Variants in TSC1 observed in about 807,000 individuals in gnomAD.
TSC1 encodes hamartin.
A neutral mutation model predicts 124.3 loss-of-function variants in TSC1; 20 were observed. The observed-to-expected ratio is 0.16, with a 90% CI of 0.11 to 0.23. The LOEUF (loss-of-function observed/expected upper bound fraction) is 0.23, where lower values mean the gene tolerates loss of function less well. Among genes scored for constraint, TSC1 ranks in the 10% least tolerant of loss-of-function variants. The probability of loss-of-function intolerance (pLI) is 1.00; values close to 1 mark genes in which losing one functional copy is unlikely to be tolerated. For missense variants in TSC1, 1,124 were observed against 1,448.5 expected, an observed-to-expected ratio of 0.78 and a Z score of 3.64; for synonymous variants, 493 against 539.1, an observed-to-expected ratio of 0.91 and a Z score of 1.19.
Position 132,891,774 on chromosome 9 carries a change from C to G in TSC1, c.*4461G>C, listed in dbSNP as rs1330767791. On this transcript the variant is annotated 3_prime_UTR_variant, in exon 23 of 23. Coordinates refer to ENST00000298552, the MANE Select transcript of TSC1 (RefSeq NM_000368.5). ...TCTGAAAAGTGATTACTGATTCTTCCTAGTGCAAAATGCGTGGCTGCCTCT... is the reference window on the plus strand; with the variant it reads ...TCTGAAAAGTGATTACTGATTCTTCGTAGTGCAAAATGCGTGGCTGCCTCT... 1.3e-5 allele frequency: 3 copies of G among 233,564 alleles called. No individual in the cohort carries two copies. Among genetic ancestry groups the G allele is most frequent in the Non-Finnish European group, 2.5e-5 (3 of 118,034 alleles). The allele number at this position is 233,564 out of a possible 1,614,324, so 14.5% of individuals were successfully genotyped here. A position where few individuals can be genotyped will look rare whatever the true frequency, so the allele number is the denominator to read the frequency against.
Position 132,894,225 on chromosome 9 carries a change from GT to G in TSC1, c.*2009del, listed in dbSNP as rs1428475128. ...TTTATAAGCTGTCCGTTTCTAAAAT[GT>G]TTTTTCTTTTGCACTTGGGCCTCTT... On this transcript the variant is annotated 3_prime_UTR_variant, in exon 23 of 23. Transcript: ENST00000298552. 3.9e-5 allele frequency: 9 copies of G among 232,664 alleles called. 1 individual carries two copies. The highest frequency in any genetic ancestry group is 2.0e-4 in the African/African-American group (9 of 45,388). The allele number at this position is 232,664 out of a possible 1,614,324, so 14.4% of individuals were successfully genotyped here.
chr9:132,906,147 G>A lies in TSC1; in HGVS notation c.1439-8C>T. 6.2e-7 allele frequency: 1 copy of A among 1,611,414 alleles called. No individual in the cohort carries two copies. Among genetic ancestry groups the A allele is most frequent in the Non-Finnish European group, 8.5e-7 (1 of 1,179,516 alleles). ...GTTCTCTAGATATTGCAGCTGAGAG[G>A]AAGAGAGGAAACAAAAGAAATGGCA... On this transcript the variant is annotated splice_polypyrimidine_tract_variant and splice_region_variant and intron_variant, in intron 14 of 22. Transcript: ENST00000298552. The surrounding 1 kb of genome is among the most constrained non-coding windows in gnomAD (Gnocchi z 4.1).
chr9:132,908,443 A>G (rs151054779), intron 12 of TSC1, among the ~76,000 whole-genome samples: 55 of 152,276 alleles, frequency 3.6e-4, no homozygotes, highest in African/African-American at 1.3e-3. Context: ...TTGCAAAAGT[A>G]AACATATGTG....
At position 132,892,777 on chromosome 9, in the gene TSC1, T is replaced by A. The variant is rs1436781522; in HGVS notation, c.*3458A>T. On this transcript the variant is annotated 3_prime_UTR_variant, in exon 23 of 23. Coordinates refer to ENST00000298552, the MANE Select transcript of TSC1 (RefSeq NM_000368.5). ...CACAGCACACTTCAGTTCTGCTGGCTACATGAAACGCATACCCAGTTTTCT... is the reference window on the plus strand; with the variant it reads ...CACAGCACACTTCAGTTCTGCTGGCAACATGAAACGCATACCCAGTTTTCT... The A allele has an allele frequency of 4.3e-6, 1 of 233,232 alleles. No homozygotes were observed. Among genetic ancestry groups the A allele is most frequent in the Non-Finnish European group, 8.5e-6 (1 of 118,078 alleles). 14.4% of individuals were successfully genotyped at this position (233,232 alleles called of 1,614,324 possible). A position where few individuals can be genotyped will look rare whatever the true frequency, so the allele number is the denominator to read the frequency against.
intron 12 of TSC1, 192 bp downstream of exon 12, chr9:132,910,379 G>A: frequency 9.9e-7 from 1 of 1,012,660 alleles, no homozygotes; most frequent in Non-Finnish European, 1.5e-6. Flanking sequence ...CCAAAGCAGA[G>A]TTTTGGAACC....
chr9:132,921,546 A>G lies in TSC1; in HGVS notation c.664-110T>C. 7.8e-7 allele frequency: 1 copy of G among 1,279,654 alleles called. No homozygotes were observed. Among genetic ancestry groups the G allele is most frequent in the Non-Finnish European group, 1.1e-6 (1 of 888,400 alleles). The allele number at this position is 1,279,654 out of a possible 1,614,324, so 79.3% of individuals were successfully genotyped here. A position where few individuals can be genotyped will look rare whatever the true frequency, so the allele number is the denominator to read the frequency against. On this transcript the variant is annotated intron_variant, in intron 7 of 22. Coordinates refer to ENST00000298552, the MANE Select transcript of TSC1 (RefSeq NM_000368.5). This position sits in a 1 kb window ranked among gnomAD's most constrained non-coding sequence, Gnocchi z 4.3. ...GAATGAAGTACTGATACATGTTATA[A>G]CACAGATGGAACCTTGAGAACATTA... is the stretch of plus-strand genomic sequence containing the variant.
intron 19 of TSC1, among the ~76,000 whole-genome samples, 186 bp downstream of exon 19, chr9:132,901,402 CA>C (rs2131698596): frequency 6.6e-6 from 1 of 152,282 alleles, no homozygotes; most frequent in South Asian, 2.1e-4. Flanking sequence ...CCAGCAGCAC[CA>C]AAAACATGAA....
intron 2 of TSC1, among the ~76,000 whole-genome samples, chr9:132,933,870 C>T (rs2132372094): frequency 6.6e-6 from 1 of 152,288 alleles, no homozygotes; most frequent in Middle Eastern, 3.4e-3. Context: ...GATCTGAACA[C>T]TTAACCATTT....
At chr9:132,928,008 A>G (rs1846982344) in intron 3 of TSC1, among the ~76,000 whole-genome samples, 1 of 152,098 alleles carries the variant, frequency 6.6e-6, no homozygotes, top group African/African-American at 2.4e-5. Flanking sequence ...TTGTATAACC[A>G]CACGCACACA....
rs796053453 is a variant in TSC1 at position 132,925,646 on chromosome 9, A to G, written c.304T>C (p.Ser102Pro). The change falls in exon 5 of 23, where the codon TCT becomes CCT. Residue 102 changes from serine (S) to proline (P), a missense_variant. Physicochemically the swap from Ser to Pro is moderately conservative, Grantham distance 74. This residue lies in a region of TSC1 where 463 missense variants were observed against 606.8 expected (regional missense o/e 0.76). Transcript: ENST00000298552. ...LLGHVIRLQP[S>P]WKHKLSQAPL... Reference sequence around the variant, plus strand: ...GCTTGAGAGAGCTTATGCTTCCAAGATGGCTGCAGTCTTATGACATGACCC... The same window carrying G: ...GCTTGAGAGAGCTTATGCTTCCAAGGTGGCTGCAGTCTTATGACATGACCC... 1.2e-6 allele frequency: 2 copies of G among 1,614,256 alleles called. No homozygotes were observed. Among genetic ancestry groups the G allele is most frequent in the Non-Finnish European group, 1.7e-6 (2 of 1,180,034 alleles).
chr9:132,910,335 G>GGTTT (rs1282971828), intron 12 of TSC1: 17 of 658,532 alleles, frequency 2.6e-5, no homozygotes, highest in Non-Finnish European at 5.2e-6. Context: ...CAAGAGAGTA[G>GGTTT]GTTTGACCTG....
chr9:132,930,565 G>A (rs1375629460), intron 2 of TSC1, among the ~76,000 whole-genome samples: 1 of 106,508 alleles, frequency 9.4e-6, no homozygotes, highest in African/African-American at 3.9e-5. Context: ...TCTAGCCTGG[G>A]CAACAAAGCA....
rs1166366453 is a variant in TSC1 at position 132,911,681 on chromosome 9, A to G, written c.914-113T>C. The G allele has an allele frequency of 2.1e-5, 14 of 672,810 alleles. No homozygotes were observed. In the East Asian group the frequency reaches 3.5e-4, roughly 17 times the overall value. The allele number at this position is 672,810 out of a possible 1,614,324, so 41.7% of individuals were successfully genotyped here. ...AGATGGTCCTCTAGACCATTTGATA[A>G]TATTCAATTCTCTGTACCTAAAAAA... On this transcript the variant is annotated intron_variant, in intron 9 of 22. Coordinates refer to ENST00000298552, the MANE Select transcript of TSC1 (RefSeq NM_000368.5).
Position 132,896,515 on chromosome 9 carries a change from G to A in TSC1, c.3215C>T (p.Ala1072Val), listed in dbSNP as rs779369226. The A allele has an allele frequency of 1.9e-6, 3 of 1,614,226 alleles. No homozygotes were observed. Among genetic ancestry groups the A allele is most frequent in the Non-Finnish European group, 2.5e-6 (3 of 1,180,042 alleles). The change falls in exon 23 of 23, where the codon GCC becomes GTC. Residue 1072 changes from alanine to valine, a missense_variant. Physicochemically the swap from Ala to Val is moderately conservative, Grantham distance 64. Around this residue, in one of 5 missense-constraint regions of TSC1, gnomAD observed 325 missense variants for 383.4 expected, o/e 0.85. Transcript: ENST00000298552. This position sits in a 1 kb window ranked among gnomAD's most constrained non-coding sequence, Gnocchi z 4.5. Reference protein sequence around the residue: ...RWETTMGEASASIPTTVGSLP... With the variant: ...RWETTMGEASVSIPTTVGSLP... The stretch of plus-strand genomic sequence containing the variant: ...TGAGCCCACAGTGGTGGGGATGCTG[G>A]CAGACGCTTCTCCCATAGTCGTCTC...
At chr9:132,938,756 T>C (rs185017923) in intron 1 of TSC1, among the ~76,000 whole-genome samples, 1 of 152,274 alleles carries the variant, frequency 6.6e-6, no homozygotes, top group Non-Finnish European at 1.5e-5. Context: ...CACAAACCTT[T>C]TGAAAATACT....
intron 12 of TSC1, among the ~76,000 whole-genome samples, chr9:132,907,742 G>A (rs564409180): frequency 9.9e-5 from 15 of 152,090 alleles, no homozygotes; most frequent in Non-Finnish European, 2.1e-4. Flanking sequence ...TGCCTGCCTC[G>A]GCCTCCCAAA....
intron 8 of TSC1, among the ~76,000 whole-genome samples, chr9:132,919,530 T>C (rs185889460): frequency 4.7e-4 from 71 of 152,342 alleles, no homozygotes; most frequent in African/African-American, 1.5e-3. Flanking sequence ...GGCAATGGAA[T>C]AATGCCTTCA....
At chr9:132,910,149 A>G (rs933552633) in intron 12 of TSC1, 12 of 278,848 alleles carry the variant, frequency 4.3e-5, no homozygotes, top group African/African-American at 2.6e-4. Context: ...AAAAAAAAAA[A>G]ACTTAGCCAG....
At chr9:132,914,595 G>A (rs530828333) in intron 8 of TSC1, among the ~76,000 whole-genome samples, 18 of 151,104 alleles carry the variant, frequency 1.2e-4, no homozygotes, top group African/African-American at 4.4e-4. Context: ...GTGGTGGCTC[G>A]TACCTGTAAT....
Sources: allele counts gnomAD v4.1 joint callset (sites outside exome capture counted in the v4.1 genomes callset), GRCh38; gene constraint gnomAD v4.1.1; regional missense constraint gnomAD v4.1.1; non-coding constraint Gnocchi (gnomAD v3.1); transcripts MANE v1.5; gene names NCBI Gene and HGNC (gene_info 2026-07-23, HGNC 2026-07-21).